TAF8: variants seen among roughly 807,000 people sequenced by gnomAD.
The protein encoded by TAF8 is TATA-box binding protein associated factor 8.
A neutral mutation model predicts 36.5 loss-of-function variants in TAF8; 47 were observed. The ratio of observed to expected loss-of-function variants is 1.29; its 90% CI spans 1.02 to 1.64. The LOEUF (loss-of-function observed/expected upper bound fraction) is 1.64. Among genes scored for constraint, TAF8 ranks in the 40% most tolerant of loss-of-function variants. The probability of loss-of-function intolerance (pLI) is 0.00; values close to 1 mark genes in which losing one functional copy is unlikely to be tolerated. For missense variants in TAF8, 420 were observed against 407.6 expected (o/e 1.03, Z -0.26); for synonymous variants, 175 against 159.5 (o/e 1.10, Z -0.73).
chr6:42,068,570 A>C lies in TAF8; in HGVS notation c.743A>C (p.Gln248Pro). The change falls in exon 7 of 9, where the codon CAG becomes CCG. Residue 248 changes from glutamine (Q) to proline (P), a missense_variant. Transcript: ENST00000372977. ...EETDSSEQDE[Q>P]TDTENLALHI... ...ACAGATTCCTCGGAGCAGGATGAAC[A>C]GACAGACACAGAGAACCTTGCTCTT... 6.2e-7 allele frequency: 1 copy of C among 1,613,966 alleles called. No homozygotes were observed. The highest frequency in any genetic ancestry group is 8.5e-7 in the Non-Finnish European group (1 of 1,180,026).
intron 2 of TAF8, among the ~76,000 whole-genome samples, chr6:42,052,370 G>A: frequency 6.7e-6 from 1 of 149,948 alleles, no homozygotes; most frequent in South Asian, 2.1e-4. Context: ...TGCCCAGGCT[G>A]GGGTGCAGTG....
At chr6:42,060,008 G>A (rs1765137783) in intron 5 of TAF8, among the ~76,000 whole-genome samples, 1 of 152,224 alleles carries the variant, frequency 6.6e-6, no homozygotes. Context: ...AACTGTCTGA[G>A]TGTACTCATG....
intron 2 of TAF8, among the ~76,000 whole-genome samples, chr6:42,054,640 G>A (rs893100083): frequency 7.2e-5 from 11 of 151,796 alleles, no homozygotes; most frequent in Non-Finnish European, 1.3e-4. Flanking sequence ...ATGGAGTCTC[G>A]CTGTGTCTCC....
Position 42,078,408 on chromosome 6 carries a change from C to T in TAF8, c.*863C>T, listed in dbSNP as rs1168521411. The T allele has an allele frequency of 7.1e-6, 7 of 985,356 alleles. No individual in the cohort carries two copies. Among genetic ancestry groups the T allele is most frequent in the Non-Finnish European group, 2.4e-6 (2 of 829,966 alleles). 61.0% of individuals were successfully genotyped at this position (985,356 alleles called of 1,614,324 possible). A position where few individuals can be genotyped will look rare whatever the true frequency, so the allele number is the denominator to read the frequency against. On this transcript the variant is annotated 3_prime_UTR_variant, in exon 9 of 9. Coordinates refer to ENST00000372977, the MANE Select transcript of TAF8 (RefSeq NM_138572.3). ...CCTTTTATTGACTCACAATTTGTGG[C>T]ACCACTTTCTCATCCCAGAACTTCA...
intron 2 of TAF8, 34 bp from the exon 3 acceptor site, chr6:42,055,497 G>A: frequency 1.4e-6 from 2 of 1,432,054 alleles, no homozygotes; most frequent in South Asian, 1.1e-5. Flanking sequence ...CTGAGGAACT[G>A]AGAATAAGTT....
chr6:42,068,815 T>C (rs1225981595), intron 7 of TAF8, among the ~76,000 whole-genome samples: 1 of 152,108 alleles, frequency 6.6e-6, no homozygotes, highest in Non-Finnish European at 1.5e-5. Flanking sequence ...ACTCGTTCAT[T>C]CAACAAATAC....
At chr6:42,074,536 T>C (rs1765683521) in intron 7 of TAF8, among the ~76,000 whole-genome samples, 1 of 152,232 alleles carries the variant, frequency 6.6e-6, no homozygotes. Context: ...TTTGACACTT[T>C]ACTTTTTTGT....
chr6:42,057,393 G>A lies in TAF8; in HGVS notation c.369G>A (p.Pro123=), dbSNP rs776950960. 3.1e-5 allele frequency: 50 copies of A among 1,613,860 alleles called. No homozygotes were observed. The highest frequency in any genetic ancestry group is 3.5e-5 in the Non-Finnish European group (41 of 1,180,022). The change falls in exon 5 of 9, where the codon CCG becomes CCA. Residue 123 remains proline, a synonymous_variant. Transcript: ENST00000372977. ...TCAGTTGTGACTCTGTTGCAGCTCC[G>A]GTGACCAATCAGCCAGTGACCCCCA... The part of the protein sequence containing the change: ...RSQRMVITAP[P]VTNQPVTPKA...
At chr6:42,052,703 A>C (rs865821707) in intron 2 of TAF8, among the ~76,000 whole-genome samples, 2 of 152,174 alleles carry the variant, frequency 1.3e-5, no homozygotes, top group Admixed American at 6.5e-5. Flanking sequence ...CATGTACAAC[A>C]TATTTCCCTG....
Position 42,068,501 on chromosome 6 carries a change from C to CAG in TAF8, c.675_676dup (p.Ala226GlufsTer74). 6.2e-7 allele frequency: 1 copy of CAG among 1,614,172 alleles called. No individual in the cohort carries two copies. Among genetic ancestry groups the CAG allele is most frequent in the Non-Finnish European group, 8.5e-7 (1 of 1,180,036 alleles). On this transcript the variant is annotated frameshift_variant, in exon 7 of 9. Coordinates refer to ENST00000372977, the MANE Select transcript of TAF8 (RefSeq NM_138572.3). LOFTEE classifies it high-confidence loss of function. ...AGACCTTTCACCATCCCCTACCTGA[C>CAG]AGCTCTTCTTCCGTCTGAACTGGAG...
intron 7 of TAF8, among the ~76,000 whole-genome samples, chr6:42,074,493 G>GCTCCC (rs1361888298): frequency 6.6e-6 from 1 of 152,132 alleles, no homozygotes; most frequent in African/African-American, 2.4e-5. Context: ...GGACCATTCT[G>GCTCCC]CTCCCACTTT....
chr6:42,058,892 T>G lies in TAF8; in HGVS notation c.489+1379T>G, dbSNP rs186376916. Among the ~76,000 whole-genome samples, 524 of 152,300 alleles carry G rather than the reference T, an allele frequency of 3.4e-3. 3 individuals are homozygous for G. The highest frequency in any genetic ancestry group is 0.012 in the African/African-American group (497 of 41,560). On this transcript the variant is annotated intron_variant, in intron 5 of 8. Coordinates refer to ENST00000372977, the MANE Select transcript of TAF8 (RefSeq NM_138572.3). ...GCATTCTTTGGCATTTCTTGGCTCA[T>G]AGATGCATCACTCCAGCTTTCTGTC...
chr6:42,065,819 T>A (rs2127457713), intron 5 of TAF8, among the ~76,000 whole-genome samples: 1 of 152,362 alleles, frequency 6.6e-6, no homozygotes, highest in African/African-American at 2.4e-5. Context: ...TTAATGTAGT[T>A]ACATTGTTTT....
intron 5 of TAF8, chr6:42,063,645 G>A (rs1291716075): frequency 6.6e-6 from 1 of 152,036 alleles, no homozygotes; most frequent in Non-Finnish European, 1.5e-5. Flanking sequence ...TATAGAGATG[G>A]GGACAGGTTT....
At chr6:42,086,242 A>G (rs1170367071), downstream of TAF8, among the ~76,000 whole-genome samples, 2 of 152,256 alleles carry the variant, frequency 1.3e-5, no homozygotes, top group South Asian at 2.1e-4. Context: ...CCGGAAAAAC[A>G]GCCCATTTCC....
chr6:42,056,950 T>A (rs1765011657), intron 4 of TAF8, among the ~76,000 whole-genome samples: 1 of 152,202 alleles, frequency 6.6e-6, no homozygotes, highest in African/African-American at 2.4e-5. Context: ...GGCATTTTTT[T>A]AAAAACTCCC....
rs774628411 is a variant in TAF8 at position 42,057,419 on chromosome 6, A to G, written c.395A>G (p.Lys132Arg). 24 of 1,613,962 alleles carry G rather than the reference A, an allele frequency of 1.5e-5. 1 individual carries two copies. In the Admixed American group the frequency reaches 3.5e-4, roughly 24 times the overall value. Residue 132 changes from lysine to arginine, a missense_variant, in exon 5 of 9, where the codon AAG (lysine) becomes AGG (arginine). Transcript: ENST00000372977. ...PPVTNQPVTPKALTAGQNRPH... is the reference protein window; with the variant it reads ...PPVTNQPVTPRALTAGQNRPH... Reference sequence around the variant, plus strand: ...GTGACCAATCAGCCAGTGACCCCCAAGGCCCTCACTGCAGGGCAGAACCGA... The same window carrying G: ...GTGACCAATCAGCCAGTGACCCCCAGGGCCCTCACTGCAGGGCAGAACCGA...
In TAF8 at chr6:42,080,368, CT is replaced by C; in HGVS notation, c.*2827del. The C allele has an allele frequency of 1.1e-6, 1 of 898,952 alleles. No homozygotes were observed. The highest frequency in any genetic ancestry group is 1.3e-6 in the Non-Finnish European group (1 of 792,082). The allele number at this position is 898,952 out of a possible 1,614,324, so 55.7% of individuals were successfully genotyped here. On this transcript the variant is annotated 3_prime_UTR_variant, in exon 9 of 9. Transcript: ENST00000372977. ...TTCAGAGGCTATACTCTTTTTTTTT[CT>C]TTTCTTTTTTTTTTTTTTTTGAGAC...
chr6:42,068,690 A>T (rs965382089), intron 7 of TAF8, 83 bp downstream of exon 7: 2 of 1,546,098 alleles, frequency 1.3e-6, no homozygotes, highest in African/African-American at 2.7e-5. Context: ...GGACCTGGAC[A>T]TGATCGACCT....
Sources: allele counts gnomAD v4.1 joint callset (sites outside exome capture counted in the v4.1 genomes callset), GRCh38; gene constraint gnomAD v4.1.1; transcripts MANE v1.5; gene names NCBI Gene and HGNC (gene_info 2026-07-23, HGNC 2026-07-21).